The following THNSL1 variants were observed in gnomAD, a reference collection of about 807,000 sequenced individuals.
THNSL1 encodes threonine synthase like 1.
A neutral mutation model predicts 50.4 loss-of-function variants in THNSL1; 48 were observed. The ratio of observed to expected loss-of-function variants is 0.95; its 90% confidence interval spans 0.76 to 1.21. The LOEUF (loss-of-function observed/expected upper bound fraction) is 1.21. Ranked by LOEUF, THNSL1 falls within the 50% of genes most tolerant of loss-of-function variation. The pLI is 0.00. For missense variants in THNSL1, 896 were observed against 871.7 expected (o/e 1.03, Z -0.35); for synonymous variants, 309 against 306.1 (o/e 1.01, Z -0.10).
chr10:24,974,379 C>T, the THNSL1 span, among the ~76,000 whole-genome samples: 1 of 151,972 alleles, frequency 6.6e-6, no homozygotes, highest in Non-Finnish European at 1.5e-5. Context: ...AAATATCAGT[C>T]GGGAATAATA....
chr10:25,023,031 T>C (rs185624668), intron 2 of THNSL1, 145 bp from the exon 3 acceptor site: 295 of 500,794 alleles, frequency 5.9e-4, no homozygotes, highest in Middle Eastern at 2.7e-3. Context: ...ATACTTTTTT[T>C]AATTCCATAA....
chr10:25,023,269 A>G lies in THNSL1; in HGVS notation c.46A>G (p.Lys16Glu). ...RCHHLKKITQ[K>E]CFSSIHVKTD... ...TCATCATCTGAAAAAGATAACACAG[A>G]AATGTTTTTCTAGTATACATGTTAA... The change falls in exon 3 of 3, where the codon AAA becomes GAA. Residue 16 changes from lysine (K) to glutamate (E), a missense_variant. Transcript: ENST00000376356. 1 of 1,613,894 alleles carries G rather than the reference A, an allele frequency of 6.2e-7. No individual in the cohort carries two copies. The highest frequency in any genetic ancestry group is 1.3e-5 in the African/African-American group (1 of 75,056).
the THNSL1 span, chr10:24,996,012 T>G: frequency 1.6e-6 from 1 of 644,288 alleles, no homozygotes; most frequent in South Asian, 3.1e-5. Flanking sequence ...AAGTTTATGC[T>G]TACCCCCAAA....
chr10:24,973,284 A>G, the THNSL1 span, among the ~76,000 whole-genome samples: 2 of 151,986 alleles, frequency 1.3e-5, no homozygotes, highest in South Asian at 2.1e-4. Flanking sequence ...CTGTGATACC[A>G]TAACAGTCAA....
chr10:25,004,093 A>G, the THNSL1 span, among the ~76,000 whole-genome samples: 1 of 152,226 alleles, frequency 6.6e-6, no homozygotes, highest in East Asian at 1.9e-4. Flanking sequence ...ATGTCCCTGC[A>G]AAGAATACGA....
At chr10:24,999,760 T>G in the THNSL1 span, among the ~76,000 whole-genome samples, 5 of 152,218 alleles carry the variant, frequency 3.3e-5, no homozygotes, top group Non-Finnish European at 7.4e-5. Flanking sequence ...AGGGCAAAAG[T>G]GTTCATAGTA....
rs201614269 is a variant in THNSL1 at position 25,023,656 on chromosome 10, C to A, written c.433C>A (p.Leu145Met). 3.7e-6 allele frequency: 6 copies of A among 1,613,966 alleles called. No individual in the cohort carries two copies. Among genetic ancestry groups the A allele is most frequent in the Non-Finnish European group, 3.4e-6 (4 of 1,180,024 alleles). ...NPMHDASMWH[L>M]KKNGIIVYLD... Reference sequence around the variant, plus strand: ...AATGCATGATGCTAGCATGTGGCATCTGAAGAAAAATGGAATAATTGTATA... The same window carrying A: ...AATGCATGATGCTAGCATGTGGCATATGAAGAAAAATGGAATAATTGTATA... The change falls in exon 3 of 3, where the codon CTG (leucine) becomes ATG (methionine). Residue 145 changes from leucine to methionine, a missense_variant. By Grantham distance (15) the Leu-to-Met change is conservative (BLOSUM62 2). Transcript: ENST00000376356.
At chr10:24,967,140 G>A in the THNSL1 span, among the ~76,000 whole-genome samples, 1 of 152,092 alleles carries the variant, frequency 6.6e-6, no homozygotes, top group Non-Finnish European at 1.5e-5. Context: ...CACGAATTCA[G>A]AGCTCCTGAG....
upstream of THNSL1, among the ~76,000 whole-genome samples, chr10:25,013,442 T>C (rs1353366230): frequency 1.3e-5 from 2 of 152,334 alleles, no homozygotes; most frequent in East Asian, 1.9e-4. Flanking sequence ...TCAAAATCCA[T>C]ACAGGGTATT....
At chr10:25,014,369 C>A (rs1309980635), upstream of THNSL1, among the ~76,000 whole-genome samples, 1 of 152,116 alleles carries the variant, frequency 6.6e-6, no homozygotes, top group Non-Finnish European at 1.5e-5. Flanking sequence ...ATAAATCTTT[C>A]TTCTACTCAT....
the THNSL1 span, among the ~76,000 whole-genome samples, chr10:24,963,812 C>T: frequency 6.6e-6 from 1 of 152,122 alleles, no homozygotes; most frequent in Non-Finnish European, 1.5e-5. Context: ...CCCCATTTCA[C>T]ACAGCACATT....
the THNSL1 span, among the ~76,000 whole-genome samples, chr10:24,991,495 G>A: frequency 6.6e-6 from 1 of 151,934 alleles, no homozygotes; most frequent in African/African-American, 2.4e-5. Context: ...GCTGTTGACA[G>A]GGGCGTGCCA....
chr10:25,015,205 G>A (rs910909393), upstream of THNSL1, among the ~76,000 whole-genome samples: 50 of 152,260 alleles, frequency 3.3e-4, no homozygotes, highest in African/African-American at 1.2e-3. Context: ...TTGAGATTTG[G>A]AGAATTTAAG....
chr10:25,025,229 C>CAAA lies in THNSL1; in HGVS notation c.2007_2009dup (p.Lys670dup), dbSNP rs776643375. 5.6e-6 allele frequency: 9 copies of CAAA among 1,614,178 alleles called. No homozygotes were observed. Among genetic ancestry groups the CAAA allele is most frequent in the Non-Finnish European group, 7.6e-6 (9 of 1,180,036 alleles). On this transcript the variant is annotated inframe_insertion, in exon 3 of 3. Coordinates refer to ENST00000376356, the MANE Select transcript of THNSL1 (RefSeq NM_024838.5). ...ATTATCTCATCTACAGCCCATTACT[C>CAAA]AAAGTTTGCACCTGCTATCATGCAG...
chr10:24,983,516 G>A, the THNSL1 span: 2 of 152,128 alleles, frequency 1.3e-5, no homozygotes, highest in African/African-American at 4.8e-5. Context: ...TTCTTGGTAA[G>A]TGAGAATTTG....
chr10:25,015,638 A>G (rs1314461252), upstream of THNSL1, among the ~76,000 whole-genome samples: 1 of 152,238 alleles, frequency 6.6e-6, no homozygotes, highest in African/African-American at 2.4e-5. Flanking sequence ...AATATAATAA[A>G]ATGGTCATCT....
chr10:24,988,865 A>C, the THNSL1 span, among the ~76,000 whole-genome samples: 1 of 151,810 alleles, frequency 6.6e-6, no homozygotes. Flanking sequence ...ATCGAACTAC[A>C]TGCAACTCTT....
intron 1 of THNSL1, among the ~76,000 whole-genome samples, chr10:25,019,728 C>T (rs1326604660): frequency 6.6e-6 from 1 of 152,192 alleles, no homozygotes; most frequent in African/African-American, 2.4e-5. Context: ...CAATATCCCT[C>T]TCAATGCTTA....
At chr10:24,972,154 T>C in the THNSL1 span, among the ~76,000 whole-genome samples, 3 of 151,220 alleles carry the variant, frequency 2.0e-5, no homozygotes, top group Admixed American at 2.0e-4. Flanking sequence ...ATGGCGCCAT[T>C]GCACTCCAGC....
Sources: gnomAD v4.1 joint callset for allele counts (sites outside exome capture counted in the v4.1 genomes callset) on GRCh38, gnomAD v4.1.1 for gene constraint, MANE v1.5 for transcripts, NCBI Gene and HGNC (gene_info 2026-07-23, HGNC 2026-07-21) for gene names.